Variants in RYR2 observed in about 807,000 individuals in gnomAD.
RYR2 encodes the protein ryanodine receptor 2.
In RYR2, 227 loss-of-function variants were observed where a neutral mutation model predicts 601.1. The observed-to-expected ratio is 0.38, with a 90% confidence interval of 0.34 to 0.42. RYR2 has a LOEUF of 0.42. RYR2 is among the 10% of genes least tolerant of loss of function. RYR2 has a pLI of 1.00. For synonymous variants in RYR2, 2,223 were observed against 2,175.1 expected (o/e 1.02, Z -0.61); for missense variants, 4,646 against 6,156.5 (o/e 0.75, Z 8.21).
chr1:237,801,835 T>TTC, intron 97 of RYR2, 21 bp from the exon 98 acceptor site: 1 of 1,364,238 alleles, frequency 7.3e-7, no homozygotes. Flanking sequence ...AACTACGCAT[T>TTC]TTTTTTTTTT....
rs372359390 is a variant in RYR2, at chr1:237,148,515, TAAAAAA to T, written c.48+105954_48+105959del. On this transcript the variant is annotated intron_variant, in intron 1 of 104. Coordinates refer to ENST00000366574, the MANE Select transcript of RYR2 (RefSeq NM_001035.3). ...TGCACATGTATCCCAGAACTTCAAG[TAAAAAA>T]AAAAAAATATATATATATATATATA... 2.2e-3 allele frequency among the ~76,000 whole-genome samples: 234 copies of T among 105,118 alleles called. 1 individual carries two copies. The highest frequency in any genetic ancestry group is 9.2e-3 in the African/African-American group (219 of 23,794). 69.0% of individuals were successfully genotyped at this position (105,118 alleles called of 152,430 possible). A position where few individuals can be genotyped will look rare whatever the true frequency, so the allele number is the denominator to read the frequency against.
intron 2 of RYR2, among the ~76,000 whole-genome samples, chr1:237,291,252 A>T (rs1692154184): frequency 6.6e-6 from 1 of 152,064 alleles, no homozygotes; most frequent in South Asian, 2.1e-4. Context: ...CTATACATCT[A>T]TCAGAAGAGT....
At chr1:237,729,873 C>T (rs187291736) in intron 76 of RYR2, among the ~76,000 whole-genome samples, 12 of 152,176 alleles carry the variant, frequency 7.9e-5, no homozygotes, top group African/African-American at 2.6e-4. Context: ...CATTGCTTAT[C>T]GAGAGACATG....
chr1:237,350,115 C>A (rs900648872), intron 3 of RYR2, among the ~76,000 whole-genome samples: 3 of 152,032 alleles, frequency 2.0e-5, no homozygotes, highest in Non-Finnish European at 2.9e-5. Flanking sequence ...TGACTAAATA[C>A]TTCAATCAAA....
chr1:237,709,502 A>C lies in RYR2; in HGVS notation c.10165A>C (p.Asn3389His), dbSNP rs1407786708. The C allele has an allele frequency of 1.2e-6, 2 of 1,611,906 alleles. No homozygotes were observed. The highest frequency in any genetic ancestry group is 2.2e-5 in the South Asian group (2 of 90,644). Residue 3389 changes from asparagine to histidine, a missense_variant, in exon 70 of 105, where the codon AAC becomes CAC. Asn to His is a moderately conservative substitution (Grantham distance 68). Around this residue, in one of 17 missense-constraint regions of RYR2, gnomAD observed 1,497 missense variants for 1,842.6 expected, o/e 0.81. Coordinates refer to ENST00000366574, the MANE Select transcript of RYR2 (RefSeq NM_001035.3). ...YNRAKWLKEP[N>H]PEAEELFRMV... ...CAGGGCAAAGTGGCTAAAGGAGCCT[A>C]ACCCAGAAGCAGAGGAGCTCTTCCG...
chr1:237,144,011 C>T (rs958773867), intron 1 of RYR2, among the ~76,000 whole-genome samples: 1 of 152,026 alleles, frequency 6.6e-6, no homozygotes, highest in African/African-American at 2.4e-5. Flanking sequence ...CGCCTGTAGT[C>T]CCAGCTACTC....
intron 52 of RYR2, 95 bp from the exon 53 acceptor site, chr1:237,655,726 A>T: frequency 8.5e-7 from 1 of 1,183,190 alleles, no homozygotes; most frequent in Non-Finnish European, 1.2e-6. Flanking sequence ...AGGGTAATTC[A>T]GATTTTCTTC....
At position 237,270,951 on chromosome 1, in the gene RYR2, A is replaced by T. The variant is rs12091915; in HGVS notation, c.168+335A>T. Among the ~76,000 whole-genome samples, 22,434 of 152,222 alleles carry T rather than the reference A, an allele frequency of 0.15. 1,951 individuals are homozygous for T. Among genetic ancestry groups the T allele is most frequent in the Non-Finnish European group, 0.19 (12,902 of 67,988 alleles). ...TTATTAAGTTTGTAAAGGAACCAAT[A>T]GTCTTAGGCTCATTGTATTTTTTTA... On this transcript the variant is annotated intron_variant, in intron 2 of 104. Coordinates refer to ENST00000366574, the MANE Select transcript of RYR2 (RefSeq NM_001035.3).
chr1:237,609,085 ACTCT>A (rs941207776), intron 35 of RYR2, among the ~76,000 whole-genome samples: 1 of 118,302 alleles, frequency 8.5e-6, no homozygotes, highest in African/African-American at 3.2e-5. Flanking sequence ...TGACAGTCTC[ACTCT>A]GTCACCCAGG....
intron 83 of RYR2, among the ~76,000 whole-genome samples, chr1:237,760,423 G>A (rs1043959186): frequency 5.3e-5 from 8 of 149,842 alleles, no homozygotes; most frequent in Non-Finnish European, 7.4e-5. Flanking sequence ...GAGAATTAGC[G>A]TATATTCTGC....
At chr1:237,348,848 C>T (rs968402850) in intron 3 of RYR2, among the ~76,000 whole-genome samples, 2 of 152,026 alleles carry the variant, frequency 1.3e-5, no homozygotes, top group Non-Finnish European at 2.9e-5. Flanking sequence ...GAAATTCGAA[C>T]ACTGAAAACC....
rs16835818 is a variant in RYR2 at position 237,788,182 on chromosome 1, G to A, written c.13476+47G>A. The A allele has an allele frequency of 0.29, 425,045 of 1,449,050 alleles. 66,027 individuals are homozygous for A. The highest frequency in any genetic ancestry group is 0.52 in the African/African-American group (36,830 of 70,478). The allele number at this position is 1,449,050 out of a possible 1,614,324, so 89.8% of individuals were successfully genotyped here. ...ATTGTTACTGATATAGTGCAATACC[G>A]TAATAATTTAGGCTCAGTAAATGTT... On this transcript the variant is annotated intron_variant, in intron 92 of 104. Transcript: ENST00000366574.
intron 1 of RYR2, among the ~76,000 whole-genome samples, chr1:237,262,294 C>T (rs995540439): frequency 6.7e-5 from 7 of 103,898 alleles, no homozygotes; most frequent in African/African-American, 2.5e-4. Flanking sequence ...TCACTCTTGT[C>T]GCCCAGGCCA....
At chr1:237,165,849 A>T in intron 1 of RYR2, among the ~76,000 whole-genome samples, 1 of 152,094 alleles carries the variant, frequency 6.6e-6, no homozygotes, top group African/African-American at 2.4e-5. Context: ...AAAGTAAAAA[A>T]AAATTAGCCA....
intron 6 of RYR2, among the ~76,000 whole-genome samples, chr1:237,373,564 T>A (rs1700805708): frequency 6.6e-6 from 1 of 152,222 alleles, no homozygotes; most frequent in South Asian, 2.1e-4. Flanking sequence ...CGTCTTTGTA[T>A]CTCTGTTCTT....
intron 100 of RYR2, among the ~76,000 whole-genome samples, chr1:237,810,718 A>G (rs528161411): frequency 6.6e-6 from 1 of 152,180 alleles, no homozygotes; most frequent in Non-Finnish European, 1.5e-5. Context: ...TAGTGTCCTG[A>G]TTAAGTCAGT....
chr1:237,336,865 TAAA>T (rs1697288405), intron 3 of RYR2, among the ~76,000 whole-genome samples: 6 of 149,892 alleles, frequency 4.0e-5, no homozygotes, highest in South Asian at 2.1e-4. Context: ...TCTAAATAAA[TAAA>T]TAAATTAATT....
At chr1:237,127,659 C>G (rs1671645118) in intron 1 of RYR2, among the ~76,000 whole-genome samples, 1 of 151,562 alleles carries the variant, frequency 6.6e-6, no homozygotes, top group African/African-American at 2.4e-5. Context: ...GGTCTCCTCA[C>G]TTCTCAGACG....
At chr1:237,392,023 T>C (rs1353572445) in intron 10 of RYR2, among the ~76,000 whole-genome samples, 1 of 152,134 alleles carries the variant, frequency 6.6e-6, no homozygotes, top group Admixed American at 6.6e-5. Flanking sequence ...AGACAACTTG[T>C]CTAAACAACA....
Sources: gnomAD v4.1 joint callset for allele counts (sites outside exome capture counted in the v4.1 genomes callset) on GRCh38, gnomAD v4.1.1 for gene constraint, gnomAD v4.1.1 regional missense constraint, MANE v1.5 for transcripts, NCBI Gene and HGNC (gene_info 2026-07-23, HGNC 2026-07-21) for gene names.